Variants in GPC6 observed in about 807,000 individuals in gnomAD.
GPC6 encodes glypican 6.
In GPC6, 14 loss-of-function variants were observed where a neutral mutation model predicts 55.2. The ratio of observed to expected loss-of-function variants is 0.25; its 90% confidence interval spans 0.17 to 0.40. The LOEUF (loss-of-function observed/expected upper bound fraction) is 0.40. GPC6 is among the 10% of genes least tolerant of loss of function. GPC6 has a pLI of 1.00. For missense variants in GPC6, 641 were observed against 708.5 expected (o/e 0.90, Z 1.08); for synonymous variants, 278 against 259.6 (o/e 1.07, Z -0.68).
chr13:94,158,617 T>C (rs1460250863), intron 4 of GPC6, among the ~76,000 whole-genome samples: 1 of 152,076 alleles, frequency 6.6e-6, no homozygotes, highest in Non-Finnish European at 1.5e-5. Context: ...TGAGAGCAAG[T>C]AATTAGGATG....
chr13:93,792,048 A>G (rs948210695), intron 2 of GPC6, among the ~76,000 whole-genome samples: 1 of 152,236 alleles, frequency 6.6e-6, no homozygotes, highest in African/African-American at 2.4e-5. Context: ...TATCAAATAC[A>G]GTCTTTTTAA....
chr13:93,814,786 A>G (rs760847152), intron 2 of GPC6, among the ~76,000 whole-genome samples: 27 of 152,194 alleles, frequency 1.8e-4, no homozygotes, highest in Non-Finnish European at 1.9e-4. Flanking sequence ...TTAGTATTCT[A>G]TCCATCAGAG....
Position 94,150,950 on chromosome 13 carries a change from A to G in GPC6, c.877+123056A>G, listed in dbSNP as rs1887718339. Among the ~76,000 whole-genome samples, 3 of 151,690 alleles carry G rather than the reference A, an allele frequency of 2.0e-5. No homozygotes were observed. In the South Asian group the frequency reaches 6.3e-4, roughly 32 times the overall value. Reference sequence around the variant, plus strand: ...TCTCTTTCTGAAGGCATAAGGTAAAACTGTCCAAATATAAATTTCCCTCCT... The same window carrying G: ...TCTCTTTCTGAAGGCATAAGGTAAAGCTGTCCAAATATAAATTTCCCTCCT... On this transcript the variant is annotated intron_variant, in intron 4 of 8. Transcript: ENST00000377047.
In GPC6 at chr13:94,350,081, G is replaced by A. The variant is rs1878469154; in HGVS notation, c.1153-32333G>A. On this transcript the variant is annotated intron_variant, in intron 6 of 8. Transcript: ENST00000377047. The stretch of plus-strand genomic sequence containing the variant: ...ATACATATATATATATCTTTTGTGT[G>A]TGTGTGTGTGTTTATGTGTGCAGTG... Among the ~76,000 whole-genome samples, 9 of 151,982 alleles carry A rather than the reference G, an allele frequency of 5.9e-5. No individual in the cohort carries two copies. The South Asian group carries it at 1.7e-3, about 28-fold the overall frequency.
chr13:93,353,125 A>G (rs1428421131), intron 1 of GPC6, among the ~76,000 whole-genome samples: 1 of 152,132 alleles, frequency 6.6e-6, no homozygotes, highest in Non-Finnish European at 1.5e-5. Flanking sequence ...GGAAGGATAA[A>G]TGGAGGTGCT....
intron 3 of GPC6, among the ~76,000 whole-genome samples, chr13:93,872,042 A>G (rs1258703744): frequency 1.3e-5 from 2 of 152,030 alleles, no homozygotes; most frequent in Non-Finnish European, 2.9e-5. Flanking sequence ...ATGTATTCAA[A>G]TTTATGATCT....
intron 3 of GPC6, among the ~76,000 whole-genome samples, chr13:93,859,917 C>T (rs73551790): frequency 0.029 from 4,359 of 151,780 alleles, 74 homozygotes; most frequent in East Asian, 0.056. Flanking sequence ...CTTAACATGG[C>T]CACAAGGATC....
chr13:93,985,205 T>A (rs1279059919), intron 3 of GPC6, among the ~76,000 whole-genome samples: 1 of 151,902 alleles, frequency 6.6e-6, no homozygotes, highest in Non-Finnish European at 1.5e-5. Flanking sequence ...GAGGCCGAGG[T>A]GACTGGATCA....
At chr13:93,365,384 T>C (rs1452996853) in intron 1 of GPC6, among the ~76,000 whole-genome samples, 1 of 152,096 alleles carries the variant, frequency 6.6e-6, no homozygotes, top group Non-Finnish European at 1.5e-5. Flanking sequence ...TCCAACCCAC[T>C]TTCTTACTTT....
intron 5 of GPC6, among the ~76,000 whole-genome samples, chr13:94,288,926 C>G (rs1874762129): frequency 9.1e-6 from 1 of 110,332 alleles, no homozygotes; most frequent in Non-Finnish European, 1.7e-5. Flanking sequence ...ATATATATAA[C>G]AAATATAGAT....
At chr13:94,305,911 A>G in intron 5 of GPC6, 69 bp from the exon 6 acceptor site, 1 of 1,473,938 alleles carries the variant, frequency 6.8e-7, no homozygotes, top group South Asian at 1.1e-5. Context: ...TGCATTGCAC[A>G]TTTCTGCTTC....
At chr13:93,892,210 C>T (rs10492636) in intron 3 of GPC6, among the ~76,000 whole-genome samples, 1 of 151,992 alleles carries the variant, frequency 6.6e-6, no homozygotes, top group East Asian at 1.9e-4. Flanking sequence ...TTTGAAGAAG[C>T]ATATCTGTAA....
intron 4 of GPC6, among the ~76,000 whole-genome samples, chr13:94,124,056 T>A (rs2138857116): frequency 6.6e-6 from 1 of 152,202 alleles, no homozygotes; most frequent in Non-Finnish European, 1.5e-5. Context: ...ATTAAAATCT[T>A]GTAAAAGCAC....
At chr13:93,416,568 AT>A (rs1356601605) in intron 1 of GPC6, among the ~76,000 whole-genome samples, 1 of 152,142 alleles carries the variant, frequency 6.6e-6, no homozygotes, top group African/African-American at 2.4e-5. Flanking sequence ...TCTTTCAGTT[AT>A]TTTAAAATGT....
intron 1 of GPC6, among the ~76,000 whole-genome samples, chr13:93,525,522 T>C (rs1881611884): frequency 6.6e-6 from 1 of 152,134 alleles, no homozygotes; most frequent in African/African-American, 2.4e-5. Context: ...CCTTGCCTTA[T>C]TTCTGGGAAT....
intron 2 of GPC6, among the ~76,000 whole-genome samples, chr13:93,633,743 G>A (rs1430123213): frequency 3.3e-5 from 5 of 152,042 alleles, no homozygotes; most frequent in Non-Finnish European, 7.4e-5. Context: ...AAAGGGCAGA[G>A]ACTAGGAAGT....
intron 2 of GPC6, among the ~76,000 whole-genome samples, chr13:93,779,920 C>T (rs1390811927): frequency 1.3e-5 from 2 of 152,152 alleles, no homozygotes; most frequent in Admixed American, 1.3e-4. Context: ...CTGGAAGATG[C>T]TACTCTTTTC....
chr13:94,215,961 G>A (rs1890213485), intron 4 of GPC6, among the ~76,000 whole-genome samples: 1 of 151,874 alleles, frequency 6.6e-6, no homozygotes, highest in East Asian at 1.9e-4. Flanking sequence ...ACACTGATAT[G>A]AGGCTGCGTA....
Position 93,315,725 on chromosome 13 carries a change from TTAGGA to T in GPC6, c.160+88112_160+88116del, listed in dbSNP as rs1879224221. Among the ~76,000 whole-genome samples the T allele has an allele frequency of 2.0e-5, 3 of 150,340 alleles. No homozygotes were observed. In the South Asian group the frequency reaches 6.3e-4, roughly 32 times the overall value. On this transcript the variant is annotated intron_variant, in intron 1 of 8. Transcript: ENST00000377047. ...TTTAAGAGATTAATATTATATATTA[TTAGGA>T]TATTATATGAGCAAACATGTTTTCT...
Sources: gnomAD v4.1 joint callset for allele counts (sites outside exome capture counted in the v4.1 genomes callset) on GRCh38, gnomAD v4.1.1 for gene constraint, MANE v1.5 for transcripts, NCBI Gene and HGNC (gene_info 2026-07-23, HGNC 2026-07-21) for gene names.